The following RREB1 variants were observed in gnomAD, a reference collection of about 807,000 sequenced individuals.
RREB1 encodes ras responsive element binding protein 1.
A neutral mutation model predicts 117.8 loss-of-function variants in RREB1; 27 were observed. That is an observed-to-expected ratio of 0.23 (90% CI 0.17 to 0.32). RREB1 has a LOEUF of 0.32. RREB1 is among the 10% of genes least tolerant of loss of function. RREB1 has a pLI of 1.00. For missense variants in RREB1, 2,577 were observed against 2,378.2 expected, an observed-to-expected ratio of 1.08 and a Z score of -1.74; for synonymous variants, 1,298 against 1,026.7, an observed-to-expected ratio of 1.26 and a Z score of -5.05.
At position 7,228,348 on chromosome 6, in the gene RREB1, C is replaced by T. The variant is rs184533560; in HGVS notation, c.898-649C>T. Reference sequence around the variant, plus strand: ...TTTTACAAAGAGAATTAATTCTACCCTTGTGGTATTGTTACTTAACTATAC... The same window carrying T: ...TTTTACAAAGAGAATTAATTCTACCTTTGTGGTATTGTTACTTAACTATAC... On this transcript the variant is annotated intron_variant, in intron 9 of 12. Coordinates refer to ENST00000379938, the MANE Select transcript of RREB1 (RefSeq NM_001003699.4). 9.9e-4 allele frequency among the ~76,000 whole-genome samples: 150 copies of T among 152,126 alleles called. 1 individual carries two copies. Among genetic ancestry groups the T allele is most frequent in the African/African-American group, 2.7e-3 (112 of 41,478 alleles).
At position 7,229,494 on chromosome 6, in the gene RREB1, C is replaced by T. The variant is rs138539147; in HGVS notation, c.1395C>T (p.Ile465=). Residue 465 remains isoleucine (I), a synonymous_variant, in exon 10 of 13, where the codon ATC becomes ATT. Transcript: ENST00000379938. This position sits in a 1 kb window ranked among gnomAD's most constrained non-coding sequence, Gnocchi z 4.5. ...VVKPISGESA[I]ELADIQQILK... ...AGCCCATCTCTGGCGAGTCGGCCAT[C>T]GAGCTGGCAGACATCCAGCAAATTC... 9.9e-6 allele frequency: 16 copies of T among 1,614,168 alleles called. No homozygotes were observed. The highest frequency in any genetic ancestry group is 8.0e-5 in the African/African-American group (6 of 75,052).
At chr6:7,146,727 A>G (rs1036797251) in intron 1 of RREB1, among the ~76,000 whole-genome samples, 3 of 151,072 alleles carry the variant, frequency 2.0e-5, no homozygotes, top group Non-Finnish European at 4.4e-5. Flanking sequence ...AAGCAGACTC[A>G]CATAGGCTAT....
chr6:7,210,690 A>AT, intron 6 of RREB1, 114 bp from the exon 7 acceptor site: 1 of 824,534 alleles, frequency 1.2e-6, no homozygotes, highest in East Asian at 2.7e-5. Flanking sequence ...ATTATACCTC[A>AT]TATCTCTTAA....
At chr6:7,154,230 T>TC (rs1335958547) in intron 1 of RREB1, among the ~76,000 whole-genome samples, 2 of 152,160 alleles carry the variant, frequency 1.3e-5, no homozygotes, top group Non-Finnish European at 1.5e-5. Flanking sequence ...CAAAGTGTGG[T>TC]CCCCAGACAA....
At chr6:7,161,247 TGTTG>T (rs1763646813) in intron 1 of RREB1, among the ~76,000 whole-genome samples, 3 of 152,072 alleles carry the variant, frequency 2.0e-5, no homozygotes, top group Admixed American at 1.3e-4. Flanking sequence ...GTCCCTCTAT[TGTTG>T]GTTTCATGGA....
chr6:7,239,771 T>A (rs927671912), intron 10 of RREB1, among the ~76,000 whole-genome samples: 2 of 152,250 alleles, frequency 1.3e-5, no homozygotes, highest in African/African-American at 4.8e-5. Flanking sequence ...GAACCTTTAA[T>A]GAGAAGATCT....
At chr6:7,242,692 T>TA (rs869275015) in intron 11 of RREB1, among the ~76,000 whole-genome samples, 23 of 76,704 alleles carry the variant, frequency 3.0e-4, no homozygotes, top group Middle Eastern at 5.1e-3. Context: ...GAAGACCACT[T>TA]AAAAAAAAGG....
chr6:7,188,614 C>G (rs557761694), intron 5 of RREB1, among the ~76,000 whole-genome samples: 1 of 152,054 alleles, frequency 6.6e-6, no homozygotes, highest in Admixed American at 6.5e-5. Flanking sequence ...GGATTGATGA[C>G]CTAGTAAAAT....
In RREB1 at chr6:7,250,930, A is replaced by G. The variant is rs144673261; in HGVS notation, c.*1962A>G. 3.3e-4 allele frequency: 51 copies of G among 152,272 alleles called. No individual in the cohort carries two copies. Among genetic ancestry groups the G allele is most frequent in the African/African-American group, 1.2e-3 (48 of 41,538 alleles). 9.4% of individuals were successfully genotyped at this position (152,272 alleles called of 1,614,324 possible). Reference sequence around the variant, plus strand: ...ATCAGAACCAATGATCCCTTGGCCTACTTAGTTAAAACCAGTTCATACATC... The same window carrying G: ...ATCAGAACCAATGATCCCTTGGCCTGCTTAGTTAAAACCAGTTCATACATC... On this transcript the variant is annotated 3_prime_UTR_variant, in exon 13 of 13. Coordinates refer to ENST00000379938, the MANE Select transcript of RREB1 (RefSeq NM_001003699.4).
At chr6:7,228,890 G>A (rs2113102664) in intron 9 of RREB1, 107 bp from the exon 10 acceptor site, 4 of 994,036 alleles carry the variant, frequency 4.0e-6, no homozygotes, top group East Asian at 2.8e-5. Flanking sequence ...GGGAAAGGCT[G>A]TGTACTGGGA....
intron 1 of RREB1, among the ~76,000 whole-genome samples, chr6:7,135,887 G>A (rs1467736155): frequency 6.6e-6 from 1 of 152,184 alleles, no homozygotes; most frequent in Non-Finnish European, 1.5e-5. Context: ...TGGATTTTCT[G>A]CTGATACTAA....
At chr6:7,215,304 C>A (rs1298991772) in intron 8 of RREB1, 1 of 152,200 alleles carries the variant, frequency 6.6e-6, no homozygotes, top group Non-Finnish European at 1.5e-5. Flanking sequence ...ATCTGGGCCA[C>A]GCACGTCCTT....
chr6:7,128,780 C>G (rs1762039288), intron 1 of RREB1, among the ~76,000 whole-genome samples: 1 of 152,092 alleles, frequency 6.6e-6, no homozygotes, highest in African/African-American at 2.4e-5. Context: ...ACCAGCCTGG[C>G]CAATATGGTG....
intron 5 of RREB1, 67 bp from the exon 6 acceptor site, chr6:7,189,092 C>T (rs575526306): frequency 3.4e-5 from 49 of 1,436,436 alleles, no homozygotes; most frequent in Non-Finnish European, 4.5e-5. Flanking sequence ...TCTGGATCTG[C>T]ATTTCCTAAG....
Position 7,150,008 on chromosome 6 carries a change from T to TA in RREB1, c.-284-26647_-284-26646insA, listed in dbSNP as rs1286371134. 2.8e-3 allele frequency among the ~76,000 whole-genome samples: 422 copies of TA among 151,786 alleles called. 1 individual carries two copies. The highest frequency in any genetic ancestry group is 9.8e-3 in the African/African-American group (405 of 41,422). On this transcript the variant is annotated intron_variant, in intron 1 of 12. Transcript: ENST00000379938. Reference sequence around the variant, plus strand: ...CTGGCCTGGTTGGTTTTTTTTTTTTTTTATTCTTTTTTCAAGGTTATTTGC... The same window carrying TA: ...CTGGCCTGGTTGGTTTTTTTTTTTTTATTATTCTTTTTTCAAGGTTATTTGC...
rs1284588184 is a variant in RREB1, at chr6:7,230,606, C to T, written c.2507C>T (p.Ala836Val). 29 of 1,603,042 alleles carry T rather than the reference C, an allele frequency of 1.8e-5. No homozygotes were observed. The highest frequency in any genetic ancestry group is 1.6e-4 in the Middle Eastern group (1 of 6,066). Residue 836 changes from alanine to valine, a missense_variant, in exon 10 of 13, where the codon GCG becomes GTG. Ala to Val is a moderately conservative substitution (Grantham distance 64, BLOSUM62 0). Transcript: ENST00000379938. ...LAADGLGPAE[A>V]PAAEASGRGE... Reference sequence around the variant, plus strand: ...GCCGACGGCCTGGGCCCCGCAGAGGCGCCGGCCGCTGAGGCGTCGGGGCGC... The same window carrying T: ...GCCGACGGCCTGGGCCCCGCAGAGGTGCCGGCCGCTGAGGCGTCGGGGCGC...
At position 7,166,372 on chromosome 6, in the gene RREB1, C is replaced by G. The variant is rs549369478; in HGVS notation, c.-284-10283C>G. ...TGGCTAGCTTGTGATAAACACTTAT[C>G]AACCACTTATATCTCAGAGCATTTG... On this transcript the variant is annotated intron_variant, in intron 1 of 12. Coordinates refer to ENST00000379938, the MANE Select transcript of RREB1 (RefSeq NM_001003699.4). Among the ~76,000 whole-genome samples, 3 of 152,364 alleles carry G rather than the reference C, an allele frequency of 2.0e-5. No individual in the cohort carries two copies. In the South Asian group the frequency reaches 6.2e-4, roughly 32 times the overall value.
In RREB1 at chr6:7,139,060, T is replaced by C. The variant is rs114339884; in HGVS notation, c.-285+31000T>C. 4.2e-3 allele frequency among the ~76,000 whole-genome samples: 636 copies of C among 152,328 alleles called. 5 individuals carry two copies. Among genetic ancestry groups the C allele is most frequent in the African/African-American group, 0.014 (600 of 41,562 alleles). ...TTTCGTGCACTGAATGAATACAATA[T>C]GTTAACACTCCTGTAAGGCCCAGAA... On this transcript the variant is annotated intron_variant, in intron 1 of 12. Coordinates refer to ENST00000379938, the MANE Select transcript of RREB1 (RefSeq NM_001003699.4).
At chr6:7,145,020 GCTTT>G (rs1481524864) in intron 1 of RREB1, among the ~76,000 whole-genome samples, 1 of 152,180 alleles carries the variant, frequency 6.6e-6, no homozygotes, top group Non-Finnish European at 1.5e-5. Flanking sequence ...TGAGAGTCAT[GCTTT>G]CTTCTTCGTC....
Sources: gnomAD v4.1 joint callset for allele counts (sites outside exome capture counted in the v4.1 genomes callset) on GRCh38, gnomAD v4.1.1 for gene constraint, Gnocchi (gnomAD v3.1) non-coding constraint, MANE v1.5 for transcripts, NCBI Gene and HGNC (gene_info 2026-07-23, HGNC 2026-07-21) for gene names.